The following C14orf39 variants were observed in gnomAD, a reference collection of about 807,000 sequenced individuals.
The protein encoded by C14orf39 is protein SIX6OS1.
In C14orf39, 66 loss-of-function variants were observed where a neutral mutation model predicts 85.6. That is an observed-to-expected ratio of 0.77 (90% CI 0.63 to 0.95). C14orf39 has a LOEUF of 0.95. Ranked by LOEUF, C14orf39 falls within the 40% of genes least tolerant of loss-of-function variation. The pLI is 0.00. For synonymous variants in C14orf39, 242 were observed against 214.0 expected (o/e 1.13, Z -1.14); for missense variants, 735 against 663.9 (o/e 1.11, Z -1.18).
chr14:60,455,189 A>C (rs1891213922), intron 15 of C14orf39, 44 bp from the exon 16 acceptor site: 1 of 1,371,352 alleles, frequency 7.3e-7, no homozygotes, highest in Admixed American at 2.5e-5. Flanking sequence ...TCTATTATTA[A>C]ACACTGAATA....
At chr14:60,472,309 C>G (rs1434981488) in intron 5 of C14orf39, among the ~76,000 whole-genome samples, 6 of 152,084 alleles carry the variant, frequency 3.9e-5, no homozygotes, top group African/African-American at 1.4e-4. Context: ...TTTAGAAGAA[C>G]TCTACTCCAG....
At chr14:60,477,020 A>C (rs1040318547) in intron 5 of C14orf39, among the ~76,000 whole-genome samples, 3 of 152,202 alleles carry the variant, frequency 2.0e-5, no homozygotes, top group South Asian at 2.1e-4. Flanking sequence ...TCAACTTCCT[A>C]TATTTTCCTT....
chr14:60,461,235 G>T, intron 13 of C14orf39, 119 bp downstream of exon 13: 1 of 718,874 alleles, frequency 1.4e-6, no homozygotes, highest in Non-Finnish European at 2.3e-6. Context: ...TTAAAGCCAG[G>T]CGTGCATGGT....
chr14:60,464,776 T>A (rs1566667947), intron 11 of C14orf39, among the ~76,000 whole-genome samples: 1 of 152,114 alleles, frequency 6.6e-6, no homozygotes, highest in Non-Finnish European at 1.5e-5. Context: ...TATTTGTTTA[T>A]ATATCCCATA....
chr14:60,465,996 T>C lies in C14orf39; in HGVS notation c.955A>G (p.Lys319Glu). 1.3e-6 allele frequency: 2 copies of C among 1,559,424 alleles called. No individual in the cohort carries two copies. The highest frequency in any genetic ancestry group is 1.7e-6 in the Non-Finnish European group (2 of 1,157,416). The change falls in exon 11 of 18, where the codon AAA (lysine) becomes GAA (glutamate). Residue 319 changes from lysine to glutamate, a missense_variant. Coordinates refer to ENST00000321731, the MANE Select transcript of C14orf39 (RefSeq NM_174978.3). The stretch of plus-strand genomic sequence containing the variant: ...ACACCTACCTGTGTATCATTTTCTT[T>C]TTGTCTAAAGTCAATATTGGCAAGC... The part of the protein sequence containing the change: ...SKLANIDFRQ[K>E]ENDTQIFNDS...
chr14:60,452,368 A>G (rs1265486297), intron 16 of C14orf39, among the ~76,000 whole-genome samples: 2 of 152,110 alleles, frequency 1.3e-5, no homozygotes, highest in Non-Finnish European at 2.9e-5. Context: ...ACTAGAGGTC[A>G]TTATGTTAAA....
intron 15 of C14orf39, among the ~76,000 whole-genome samples, chr14:60,455,897 C>T (rs929565230): frequency 1.3e-5 from 2 of 152,040 alleles, no homozygotes; most frequent in Non-Finnish European, 2.9e-5. Context: ...ATGATACTGC[C>T]ATAACTATCT....
chr14:60,463,404 ATTTT>A, intron 11 of C14orf39, among the ~76,000 whole-genome samples: 1 of 151,884 alleles, frequency 6.6e-6, no homozygotes, highest in Admixed American at 6.6e-5. Context: ...TATGTTTTTT[ATTTT>A]TATGTAGTCC....
chr14:60,478,418 C>A, intron 4 of C14orf39, 29 bp from the exon 5 acceptor site: 2 of 1,206,014 alleles, frequency 1.7e-6, no homozygotes, highest in Admixed American at 2.3e-5. Flanking sequence ...TTGTAATTAG[C>A]AACTCAGAAT....
intron 7 of C14orf39, 33 bp downstream of exon 7, chr14:60,471,384 A>G: frequency 6.8e-7 from 1 of 1,464,568 alleles, no homozygotes; most frequent in Non-Finnish European, 9.3e-7. Flanking sequence ...CTTATCTAAT[A>G]AAAATTATAA....
At chr14:60,465,587 T>C (rs895785356) in intron 11 of C14orf39, among the ~76,000 whole-genome samples, 8 of 152,256 alleles carry the variant, frequency 5.3e-5, no homozygotes, top group East Asian at 1.9e-4. Flanking sequence ...ATCATCCGTA[T>C]ACCTTTATCT....
intron 13 of C14orf39, among the ~76,000 whole-genome samples, chr14:60,460,593 C>T (rs911232935): frequency 6.6e-6 from 1 of 151,662 alleles, no homozygotes; most frequent in Non-Finnish European, 1.5e-5. Context: ...TATTAGTTTA[C>T]CAAAAATATA....
At chr14:60,507,580 C>A (rs1893221713) in intron 1 of C14orf39, among the ~76,000 whole-genome samples, 1 of 152,216 alleles carries the variant, frequency 6.6e-6, no homozygotes, top group Admixed American at 6.5e-5. Context: ...TTCTTCCCCT[C>A]TGCTATTTTT....
chr14:60,449,501 A>G (rs1389460839), intron 16 of C14orf39, among the ~76,000 whole-genome samples: 1 of 152,184 alleles, frequency 6.6e-6, no homozygotes, highest in Non-Finnish European at 1.5e-5. Context: ...AACCGTTATC[A>G]TGCCCTTTAT....
At chr14:60,510,962 A>G (rs1409175620) in intron 1 of C14orf39, 1 of 1,013,158 alleles carries the variant, frequency 9.9e-7, no homozygotes, top group Non-Finnish European at 1.5e-6. Flanking sequence ...TCCTCGCCTT[A>G]ACTGCTGGGG....
intron 4 of C14orf39, among the ~76,000 whole-genome samples, chr14:60,479,028 A>G (rs1892521520): frequency 6.6e-6 from 1 of 152,272 alleles, no homozygotes; most frequent in Non-Finnish European, 1.5e-5. Context: ...TTTTTCAAAT[A>G]TTGCCTTTTT....
chr14:60,448,149 C>T (rs562893065), intron 16 of C14orf39, among the ~76,000 whole-genome samples: 5 of 151,974 alleles, frequency 3.3e-5, no homozygotes, highest in Non-Finnish European at 4.4e-5. Flanking sequence ...ACTTCATGAC[C>T]AAAACACCAA....
At chr14:60,499,264 A>AT (rs139604869) in intron 2 of C14orf39, 26,661 of 92,142 alleles carry the variant, frequency 0.29, 3,050 homozygotes, top group East Asian at 0.6. Flanking sequence ...CTCAAAAAAA[A>AT]AAAAATAATA....
At chr14:60,451,910 T>C (rs1405900452) in intron 16 of C14orf39, among the ~76,000 whole-genome samples, 3 of 151,910 alleles carry the variant, frequency 2.0e-5, no homozygotes, top group Admixed American at 1.3e-4. Flanking sequence ...AGGCTGGGCA[T>C]GGTGGCTCAC....
Sources: allele counts gnomAD v4.1 joint callset (sites outside exome capture counted in the v4.1 genomes callset), GRCh38; gene constraint gnomAD v4.1.1; transcripts MANE v1.5; gene names NCBI Gene and HGNC (gene_info 2026-07-23, HGNC 2026-07-21).